Variants in RGS12 observed in about 807,000 individuals in gnomAD.
The protein encoded by RGS12 is regulator of G protein signaling 12.
In RGS12, 66 loss-of-function variants were observed where a neutral mutation model predicts 120.1. That is an observed-to-expected ratio of 0.55 (90% CI 0.45 to 0.67). The LOEUF is 0.67. Among genes scored for constraint, RGS12 ranks in the 30% least tolerant of loss-of-function variants. RGS12 has a pLI of 0.00. For missense variants in RGS12, 1,859 were observed against 1,957.7 expected (o/e 0.95, Z 0.95); for synonymous variants, 827 against 804.7 (o/e 1.03, Z -0.47).
intron 17 of RGS12, chr4:3,431,416 C>T: frequency 1.0e-6 from 1 of 999,906 alleles, no homozygotes; most frequent in Non-Finnish European, 1.2e-6. Flanking sequence ...CTCCCAGACA[C>T]AGGCCCGTCC....
Position 3,316,336 on chromosome 4 carries a change from G to T in RGS12, c.166G>T (p.Val56Leu). 6.2e-7 allele frequency: 1 copy of T among 1,610,462 alleles called. No homozygotes were observed. Among genetic ancestry groups the T allele is most frequent in the Non-Finnish European group, 8.5e-7 (1 of 1,178,166 alleles). Residue 56 changes from valine to leucine, a missense_variant, in exon 2 of 18, where the codon GTG becomes TTG. By Grantham distance (32) the Val-to-Leu change is conservative (BLOSUM62 1). This residue lies in a region of RGS12 where 967 missense variants were observed against 994.2 expected (regional missense o/e 0.97). Transcript: ENST00000336727. ...CVMRGSPADF[V>L]GLRAGDQILA... is the part of the protein sequence containing the mutation. ...CATGAGAGGGAGCCCTGCGGATTTC[G>T]TGGGCCTCCGAGCTGGAGACCAGAT... is the stretch of plus-strand genomic sequence containing the variant.
intron 3 of RGS12, among the ~76,000 whole-genome samples, chr4:3,362,924 T>C (rs1048893755): frequency 6.9e-6 from 1 of 145,718 alleles, no homozygotes; most frequent in Non-Finnish European, 1.5e-5. Flanking sequence ...GCAAGGCCAT[T>C]TGGAACGCGA....
chr4:3,365,922 C>T lies in RGS12; in HGVS notation c.1999-20494C>T, dbSNP rs540044089. Among the ~76,000 whole-genome samples, 8 of 152,230 alleles carry T rather than the reference C, an allele frequency of 5.3e-5. No individual in the cohort carries two copies. Among genetic ancestry groups the T allele is most frequent in the South Asian group, 2.1e-4 (1 of 4,816 alleles). Reference sequence around the variant, plus strand: ...GTTTGTTGAACACCTACTATGTGCCCGACATTATTTTGGCTCTGGGGAGGC... The same window carrying T: ...GTTTGTTGAACACCTACTATGTGCCTGACATTATTTTGGCTCTGGGGAGGC... On this transcript the variant is annotated intron_variant, in intron 3 of 17. Transcript: ENST00000336727. The surrounding 1 kb of genome is among the most constrained non-coding windows in gnomAD (Gnocchi z 4.0).
At chr4:3,356,113 G>T (rs571879568) in intron 3 of RGS12, among the ~76,000 whole-genome samples, 1 of 148,318 alleles carries the variant, frequency 6.7e-6, no homozygotes, top group African/African-American at 2.5e-5. Context: ...GAGTGCAGTG[G>T]TGTAATCTTG....
At chr4:3,320,647 GT>G (rs1725116309) in intron 2 of RGS12, among the ~76,000 whole-genome samples, 1 of 152,186 alleles carries the variant, frequency 6.6e-6, no homozygotes, top group East Asian at 1.9e-4. Flanking sequence ...TGTTTTATGG[GT>G]TCCTGCTGTA....
rs1723248008 is a variant in RGS12, at chr4:3,423,401, G to C, written c.3108-114G>C. The C allele has an allele frequency of 2.9e-6, 4 of 1,376,028 alleles. No homozygotes were observed. The South Asian group carries it at 5.1e-5, about 18-fold the overall frequency. The allele number at this position is 1,376,028 out of a possible 1,614,324, so 85.2% of individuals were successfully genotyped here. On this transcript the variant is annotated intron_variant, in intron 12 of 17. Coordinates refer to ENST00000336727, the MANE Select transcript of RGS12 (RefSeq NM_001394154.1). ...CTGATCAGCTGGGGCTGAACTGGGG[G>C]GCACACCGAGGCCTTGAGGGCGGCC... is the stretch of plus-strand genomic sequence containing the variant.
intron 3 of RGS12, among the ~76,000 whole-genome samples, chr4:3,373,178 GACACGCAGCAGTCACT>G: frequency 6.6e-6 from 1 of 152,164 alleles, no homozygotes; most frequent in East Asian, 1.9e-4. Flanking sequence ...GGCTGCTGGC[GACACGCAGCAGTCACT>G]CTGGCTGCAG....
chr4:3,384,220 T>A (rs1718571610), intron 3 of RGS12, among the ~76,000 whole-genome samples: 2 of 152,216 alleles, frequency 1.3e-5, no homozygotes, highest in African/African-American at 4.8e-5. Context: ...AGTGGCACGA[T>A]CTCGGCTCAT....
At position 3,398,462 on chromosome 4, in the gene RGS12, T is replaced by C. The variant is rs545119993; in HGVS notation, c.2020+12025T>C. ...AGCCTGGGCAATATAGTTTGACTCC[T>C]TCTGAAAACAAACAAACAAACAACA... On this transcript the variant is annotated intron_variant, in intron 4 of 17. Coordinates refer to ENST00000336727, the MANE Select transcript of RGS12 (RefSeq NM_001394154.1). Among the ~76,000 whole-genome samples, 20 of 152,252 alleles carry C rather than the reference T, an allele frequency of 1.3e-4. No homozygotes were observed. The South Asian group carries it at 3.7e-3, about 28-fold the overall frequency.
rs1483614983 is a variant in RGS12 at position 3,365,480 on chromosome 4, T to A, written c.1999-20936T>A. On this transcript the variant is annotated intron_variant, in intron 3 of 17. Transcript: ENST00000336727. The surrounding 1 kb of genome is among the most constrained non-coding windows in gnomAD (Gnocchi z 4.0). ...TGCCTTGATTCCATCTTGAGGCCTG[T>A]ACTGTGATCTTGCCCATCCAGAGCT... is the stretch of plus-strand genomic sequence containing the variant. Among the ~76,000 whole-genome samples, 2 of 152,096 alleles carry A rather than the reference T, an allele frequency of 1.3e-5. No homozygotes were observed. Among genetic ancestry groups the A allele is most frequent in the Non-Finnish European group, 2.9e-5 (2 of 68,004 alleles).
At chr4:3,414,978 TGA>T in intron 6 of RGS12, 134 bp downstream of exon 6, 1 of 496,032 alleles carries the variant, frequency 2.0e-6, no homozygotes, top group Non-Finnish European at 3.4e-6. Context: ...GAGGGGCGTG[TGA>T]GAGGTTGCGT....
At position 3,316,722 on chromosome 4, in the gene RGS12, A is replaced by G; in HGVS notation, c.552A>G (p.Glu184=). The G allele has an allele frequency of 6.2e-7, 1 of 1,614,206 alleles. No homozygotes were observed. Among genetic ancestry groups the G allele is most frequent in the South Asian group, 1.1e-5 (1 of 91,082 alleles). ...CAACTCGATTTGATGTTGGACATGAAAGTATAAATAATCCAAATCCCAACA... is the reference window on the plus strand; with the variant it reads ...CAACTCGATTTGATGTTGGACATGAGAGTATAAATAATCCAAATCCCAACA... ...SAATRFDVGH[E]SINNPNPNML... Residue 184 remains glutamate (E), a synonymous_variant, in exon 2 of 18, where the codon GAA becomes GAG. Transcript: ENST00000336727.
intron 2 of RGS12, among the ~76,000 whole-genome samples, chr4:3,322,923 A>G (rs1014892408): frequency 1.3e-5 from 2 of 152,182 alleles, no homozygotes; most frequent in Non-Finnish European, 2.9e-5. Flanking sequence ...TTCCTTCTCA[A>G]CTGTTGCTTA....
chr4:3,420,652 T>G lies in RGS12; in HGVS notation c.2772T>G (p.His924Gln). ...EHGDHADDAL[H>Q]ANGGLCRRES... ...GTTTCCCCTGTCAAGACGCCCTGCATGCCAATGGAGGCCTGTGTCGCCGAG... is the reference window on the plus strand; with the variant it reads ...GTTTCCCCTGTCAAGACGCCCTGCAGGCCAATGGAGGCCTGTGTCGCCGAG... The change falls in exon 10 of 18, where the codon CAT becomes CAG. Residue 924 changes from histidine to glutamine, a missense_variant. Coordinates refer to ENST00000336727, the MANE Select transcript of RGS12 (RefSeq NM_001394154.1). 6.2e-7 allele frequency: 1 copy of G among 1,613,704 alleles called. No homozygotes were observed. Among genetic ancestry groups the G allele is most frequent in the Admixed American group, 1.7e-5 (1 of 60,034 alleles).
At chr4:3,308,140 G>A (rs1724071711) in intron 1 of RGS12, among the ~76,000 whole-genome samples, 1 of 152,256 alleles carries the variant, frequency 6.6e-6, no homozygotes, top group South Asian at 2.1e-4. Context: ...ATCTGGTGCT[G>A]CTAGGGCCCT....
intron 9 of RGS12, chr4:3,419,367 G>T (rs916134333): frequency 5.3e-5 from 8 of 151,542 alleles, no homozygotes; most frequent in Non-Finnish European, 1.2e-4. Flanking sequence ...GTGATGGTGG[G>T]TACTTTCAGT....
intron 3 of RGS12, among the ~76,000 whole-genome samples, chr4:3,377,714 C>T (rs1350224165): frequency 1.3e-5 from 2 of 152,050 alleles, no homozygotes; most frequent in African/African-American, 2.4e-5. Flanking sequence ...TCAAAATATC[C>T]GTGAATGTGG....
chr4:3,291,428 CCT>C, upstream of RGS12, among the ~76,000 whole-genome samples: 1 of 150,414 alleles, frequency 6.6e-6, no homozygotes, highest in Non-Finnish European at 1.5e-5. Context: ...CTCACAGCAA[CCT>C]CCGCCTCCGG....
intron 4 of RGS12, among the ~76,000 whole-genome samples, chr4:3,393,418 T>C (rs1428575212): frequency 2.0e-5 from 3 of 152,054 alleles, no homozygotes; most frequent in Admixed American, 1.3e-4. Context: ...CCCTGCTAGG[T>C]CTCTCCTGCA....
Sources: gnomAD v4.1 joint callset for allele counts (sites outside exome capture counted in the v4.1 genomes callset) on GRCh38, gnomAD v4.1.1 for gene constraint, gnomAD v4.1.1 regional missense constraint, Gnocchi (gnomAD v3.1) non-coding constraint, MANE v1.5 for transcripts, NCBI Gene and HGNC (gene_info 2026-07-23, HGNC 2026-07-21) for gene names.